Variants in INPP5D observed in about 807,000 individuals in gnomAD.
The protein encoded by INPP5D is phosphatidylinositol 3,4,5-trisphosphate 5-phosphatase 1.
Under a neutral mutation model 122.9 loss-of-function variants are expected in INPP5D, and 33 were observed. The ratio of observed to expected loss-of-function variants is 0.27; its 90% confidence interval spans 0.20 to 0.36. The LOEUF is 0.36. Among genes scored for constraint, INPP5D ranks in the 10% least tolerant of loss-of-function variants. INPP5D has a pLI of 1.00. For missense variants in INPP5D, 1,053 were observed against 1,412.7 expected (o/e 0.75, Z 4.08); for synonymous variants, 584 against 576.2 (o/e 1.01, Z -0.19).
At chr2:233,203,565 T>C (rs1377811613) in intron 25 of INPP5D, among the ~76,000 whole-genome samples, 1 of 152,094 alleles carries the variant, frequency 6.6e-6, no homozygotes, top group African/African-American at 2.4e-5. Flanking sequence ...TGAGGTGAAA[T>C]TCACTTAACA....
rs773563073 is a variant in INPP5D at position 233,204,303 on chromosome 2, G to A, written c.3153G>A (p.Pro1051=). The A allele has an allele frequency of 3.7e-6, 6 of 1,612,470 alleles. No individual in the cohort carries two copies. In the South Asian group the frequency reaches 4.4e-5, roughly 12 times the overall value. The change falls in exon 26 of 27, where the codon CCG becomes CCA. Residue 1051 remains proline (P), a synonymous_variant. Transcript: ENST00000445964. ...CGCGGAAGGAACCCCCGCCCTGCCC[G>A]GAACCCGGCATCTTGTCGCCCAGCA... is the stretch of plus-strand genomic sequence containing the variant. ...KMPRKEPPPC[P]EPGILSPSIV...
At chr2:233,153,684 A>G (rs945550061) in intron 9 of INPP5D, among the ~76,000 whole-genome samples, 2 of 152,196 alleles carry the variant, frequency 1.3e-5, no homozygotes, top group Admixed American at 1.3e-4. Flanking sequence ...GTTCAGCCCA[A>G]CAGATCACAC....
rs534471579 is a variant in INPP5D at position 233,150,845 on chromosome 2, C to T, written c.1030+3251C>T. 2.0e-5 allele frequency among the ~76,000 whole-genome samples: 3 copies of T among 152,208 alleles called. No homozygotes were observed. The South Asian group carries it at 6.2e-4, about 32-fold the overall frequency. ...GTGAGGGCAGGAGACTTCACACCAC[C>T]GAGGTGGCTCTGACCGGGATTTGAA... On this transcript the variant is annotated intron_variant, in intron 9 of 26. Coordinates refer to ENST00000445964, the MANE Select transcript of INPP5D (RefSeq NM_001017915.3).
intron 1 of INPP5D, among the ~76,000 whole-genome samples, chr2:233,062,198 G>A (rs1691095779): frequency 6.6e-6 from 1 of 152,226 alleles, no homozygotes; most frequent in Non-Finnish European, 1.5e-5. Context: ...TGTCCTGGCT[G>A]TTTGGTGTTG....
At chr2:233,165,437 AC>A (rs1444112366) in intron 13 of INPP5D, among the ~76,000 whole-genome samples, 1 of 143,034 alleles carries the variant, frequency 7.0e-6, no homozygotes, top group Non-Finnish European at 1.5e-5. Flanking sequence ...TGAGTGTACC[AC>A]CCCGTATCTA....
rs759512184 is a variant in INPP5D at position 233,177,625 on chromosome 2, G to A, written c.2071+279G>A. Among the ~76,000 whole-genome samples, 4 of 152,156 alleles carry A rather than the reference G, an allele frequency of 2.6e-5. No homozygotes were observed. Among genetic ancestry groups the A allele is most frequent in the Non-Finnish European group, 5.9e-5 (4 of 68,028 alleles). The stretch of plus-strand genomic sequence containing the variant: ...GTCTCACTCTGTCACCCAGGCTGGA[G>A]TACAATGGCATGATCTCATCTCACC... On this transcript the variant is annotated intron_variant, in intron 18 of 26. Transcript: ENST00000445964. The surrounding 1 kb of genome is among the most constrained non-coding windows in gnomAD (Gnocchi z 4.2).
At chr2:233,071,273 A>G (rs1406503677) in intron 1 of INPP5D, among the ~76,000 whole-genome samples, 2 of 152,070 alleles carry the variant, frequency 1.3e-5, no homozygotes, top group Non-Finnish European at 2.9e-5. Context: ...CTTGGGCCAC[A>G]GAGTGAGTCT....
Position 233,091,332 on chromosome 2 carries a change from A to C in INPP5D, c.198+11934A>C, listed in dbSNP as rs555410037. The stretch of plus-strand genomic sequence containing the variant: ...CTCCATTGCCACTATAACAAATTTC[A>C]GCAAACAGAGGGGTTTAAAACAACA... On this transcript the variant is annotated intron_variant, in intron 2 of 26. Coordinates refer to ENST00000445964, the MANE Select transcript of INPP5D (RefSeq NM_001017915.3). Among the ~76,000 whole-genome samples the C allele has an allele frequency of 1.1e-4, 16 of 152,334 alleles. No individual in the cohort carries two copies. In the East Asian group the frequency reaches 2.9e-3, roughly 28 times the overall value.
rs1014445100 is a variant in INPP5D at position 233,183,521 on chromosome 2, T to A, written c.2162-887T>A. 3.3e-4 allele frequency among the ~76,000 whole-genome samples: 50 copies of A among 152,202 alleles called. No individual in the cohort carries two copies. The highest frequency in any genetic ancestry group is 3.1e-3 in the Admixed American group (47 of 15,284). On this transcript the variant is annotated intron_variant, in intron 19 of 26. Coordinates refer to ENST00000445964, the MANE Select transcript of INPP5D (RefSeq NM_001017915.3). This position sits in a 1 kb window ranked among gnomAD's most constrained non-coding sequence, Gnocchi z 4.6. ...ATCTTCCTAGTCCTTAGGCAGGACCTCTTCCCCGACTTCCACCCATCTCTC... is the reference window on the plus strand; with the variant it reads ...ATCTTCCTAGTCCTTAGGCAGGACCACTTCCCCGACTTCCACCCATCTCTC...
At chr2:233,130,792 A>C in intron 5 of INPP5D, 144 bp downstream of exon 5, 1 of 886,206 alleles carries the variant, frequency 1.1e-6, no homozygotes. Context: ...ACAGCTTGGA[A>C]ATCTCTGTGG....
At position 233,132,299 on chromosome 2, in the gene INPP5D, G is replaced by C. The variant is rs191294235; in HGVS notation, c.665+1651G>C. Among the ~76,000 whole-genome samples, 14 of 152,314 alleles carry C rather than the reference G, an allele frequency of 9.2e-5. No individual in the cohort carries two copies. The East Asian group carries it at 2.7e-3, about 29-fold the overall frequency. On this transcript the variant is annotated intron_variant, in intron 5 of 26. Transcript: ENST00000445964. ...AAGTCTCTCCACGAGGCTTCCCTCAGTCTTCCCCAGACACTTCTGCACATT... is the reference window on the plus strand; with the variant it reads ...AAGTCTCTCCACGAGGCTTCCCTCACTCTTCCCCAGACACTTCTGCACATT...
chr2:233,105,893 G>T lies in INPP5D; in HGVS notation c.199-16214G>T, dbSNP rs553764168. On this transcript the variant is annotated intron_variant, in intron 2 of 26. Coordinates refer to ENST00000445964, the MANE Select transcript of INPP5D (RefSeq NM_001017915.3). This position sits in a 1 kb window ranked among gnomAD's most constrained non-coding sequence, Gnocchi z 4.0. ...AAGAGGCCCGAAGGCCTGCACAGGGGATGAGATGAAGGGACAGTGGCCACT... is the reference window on the plus strand; with the variant it reads ...AAGAGGCCCGAAGGCCTGCACAGGGTATGAGATGAAGGGACAGTGGCCACT... 4.9e-4 allele frequency among the ~76,000 whole-genome samples: 74 copies of T among 152,278 alleles called. No individual in the cohort carries two copies. The highest frequency in any genetic ancestry group is 1.8e-3 in the African/African-American group (73 of 41,562).
intron 25 of INPP5D, among the ~76,000 whole-genome samples, chr2:233,199,529 C>A (rs62192896): frequency 2.3e-5 from 2 of 85,908 alleles, no homozygotes; most frequent in Non-Finnish European, 4.2e-5. Context: ...GAGTGAGACT[C>A]CGTCTCAAAA....
intron 5 of INPP5D, 156 bp downstream of exon 5, chr2:233,130,804 TG>T: frequency 1.2e-6 from 1 of 820,768 alleles, no homozygotes; most frequent in Middle Eastern, 2.2e-4. Flanking sequence ...TCTCTGTGGT[TG>T]TTTGGAGGTC....
At chr2:233,175,352 C>T (rs1694591666) in intron 17 of INPP5D, among the ~76,000 whole-genome samples, 1 of 151,578 alleles carries the variant, frequency 6.6e-6, no homozygotes, top group Non-Finnish European at 1.5e-5. Flanking sequence ...CTTTTATAAG[C>T]AACGAAGTGG....
chr2:233,190,621 G>A (rs1304517396), intron 22 of INPP5D, among the ~76,000 whole-genome samples: 2 of 152,214 alleles, frequency 1.3e-5, no homozygotes, highest in African/African-American at 2.4e-5. Flanking sequence ...AGACCAGGCA[G>A]GCTGTGGAGG....
chr2:233,150,339 C>T (rs1693890055), intron 9 of INPP5D, among the ~76,000 whole-genome samples: 1 of 152,174 alleles, frequency 6.6e-6, no homozygotes. Flanking sequence ...CTCTTGCCTG[C>T]CACCATGTAA....
chr2:233,175,833 C>T (rs191291992), intron 17 of INPP5D, among the ~76,000 whole-genome samples: 123 of 152,098 alleles, frequency 8.1e-4, no homozygotes, highest in Admixed American at 1.4e-3. Flanking sequence ...CAGGCATGCG[C>T]CACCATGCCC....
intron 1 of INPP5D, among the ~76,000 whole-genome samples, chr2:233,069,251 G>A (rs1691312700): frequency 6.6e-6 from 1 of 152,180 alleles, no homozygotes; most frequent in Admixed American, 6.5e-5. Flanking sequence ...GATCATTTGG[G>A]ACCTCCCCGG....
Sources: allele counts gnomAD v4.1 joint callset (sites outside exome capture counted in the v4.1 genomes callset), GRCh38; gene constraint gnomAD v4.1.1; non-coding constraint Gnocchi (gnomAD v3.1); transcripts MANE v1.5; gene names NCBI Gene and HGNC (gene_info 2026-07-23, HGNC 2026-07-21).